CATSPERB: variants seen among roughly 807,000 people sequenced by gnomAD.
CATSPERB encodes catsper channel auxiliary subunit beta.
In CATSPERB, 93 loss-of-function variants were observed where a neutral mutation model predicts 128.3. That is an observed-to-expected ratio of 0.72 (90% CI 0.61 to 0.86). CATSPERB has a LOEUF of 0.86. Among genes scored for constraint, CATSPERB ranks in the 40% least tolerant of loss-of-function variants. CATSPERB has a pLI of 0.00. For missense variants in CATSPERB, 1,153 were observed against 1,329.5 expected (o/e 0.87, Z 2.06); for synonymous variants, 381 against 448.8 (o/e 0.85, Z 1.91).
At chr14:91,678,205 A>T (rs917765225) in intron 11 of CATSPERB, among the ~76,000 whole-genome samples, 1 of 152,224 alleles carries the variant, frequency 6.6e-6, no homozygotes, top group Non-Finnish European at 1.5e-5. Context: ...TAACGAGCCT[A>T]CACGTTCTGC....
At chr14:91,675,113 G>A (rs1428417016) in intron 11 of CATSPERB, among the ~76,000 whole-genome samples, 1 of 152,184 alleles carries the variant, frequency 6.6e-6, no homozygotes, top group Non-Finnish European at 1.5e-5. Flanking sequence ...TCCCTTTAGG[G>A]AGTCTGCATT....
chr14:91,609,825 G>T, intron 21 of CATSPERB, among the ~76,000 whole-genome samples: 1 of 152,082 alleles, frequency 6.6e-6, no homozygotes, highest in Non-Finnish European at 1.5e-5. Context: ...TGCAACCCCT[G>T]CCTCCCAGGC....
At chr14:91,716,909 C>A (rs1272529807) in intron 5 of CATSPERB, among the ~76,000 whole-genome samples, 3 of 152,108 alleles carry the variant, frequency 2.0e-5, no homozygotes, top group Non-Finnish European at 2.9e-5. Context: ...TTGGTATTAG[C>A]TAAATGCAAC....
chr14:91,719,555 A>G, intron 4 of CATSPERB, 77 bp from the exon 5 acceptor site: 1 of 1,178,506 alleles, frequency 8.5e-7, no homozygotes, highest in Non-Finnish European at 1.2e-6. Flanking sequence ...CTATATTTTT[A>G]AAAGAGAATT....
Position 91,639,277 on chromosome 14 carries a change from T to G in CATSPERB, c.1433-27A>C, listed in dbSNP as rs766172225. 3 of 1,596,598 alleles carry G rather than the reference T, an allele frequency of 1.9e-6. No individual in the cohort carries two copies. In the African/African-American group the frequency reaches 4.0e-5, roughly 21 times the overall value. ...TATTAGGAAATACAGAGAAGTGTCT[T>G]GATACTGATGTAACAGAAGTCGAAA... On this transcript the variant is annotated intron_variant, in intron 15 of 26. Transcript: ENST00000256343.
At chr14:91,712,772 T>C (rs537383813) in intron 5 of CATSPERB, among the ~76,000 whole-genome samples, 5 of 152,344 alleles carry the variant, frequency 3.3e-5, no homozygotes, top group African/African-American at 1.2e-4. Flanking sequence ...ACGCCATTTC[T>C]TCACAAGGTG....
At chr14:91,689,826 T>C (rs1406017521) in intron 10 of CATSPERB, among the ~76,000 whole-genome samples, 1 of 152,166 alleles carries the variant, frequency 6.6e-6, no homozygotes, top group Non-Finnish European at 1.5e-5. Flanking sequence ...TTGCACATTT[T>C]TCTAACAAAT....
intron 22 of CATSPERB, among the ~76,000 whole-genome samples, chr14:91,606,024 A>C (rs1367708133): frequency 6.6e-6 from 1 of 151,674 alleles, no homozygotes; most frequent in Admixed American, 6.6e-5. Flanking sequence ...AAAAATACAA[A>C]AATTAGCTGG....
chr14:91,617,122 C>T (rs1044013041), intron 20 of CATSPERB, among the ~76,000 whole-genome samples: 2 of 152,040 alleles, frequency 1.3e-5, no homozygotes, highest in African/African-American at 4.8e-5. Context: ...AAAAGGAGTC[C>T]AAGTTAAACA....
chr14:91,707,575 CTTTTTTTTTTTTTTTTTTTTTTTTTT>C (rs539712771), intron 6 of CATSPERB, among the ~76,000 whole-genome samples: 1 of 58,254 alleles, frequency 1.7e-5, no homozygotes, highest in Non-Finnish European at 3.1e-5. Flanking sequence ...TATGTACTTC[CTTTTTTTTTTTTTTTTTTTTTTTTTT>C]TTTTTTTTTT....
intron 20 of CATSPERB, among the ~76,000 whole-genome samples, chr14:91,611,539 G>A (rs757232544): frequency 2.0e-5 from 3 of 152,154 alleles, no homozygotes; most frequent in Non-Finnish European, 2.9e-5. Flanking sequence ...GAGCCCGGGA[G>A]GTGAAGGTTG....
At chr14:91,678,112 C>A (rs1158926462) in intron 11 of CATSPERB, among the ~76,000 whole-genome samples, 2 of 152,068 alleles carry the variant, frequency 1.3e-5, no homozygotes, top group Non-Finnish European at 2.9e-5. Context: ...AGCATTAGGA[C>A]AAATAGCTAA....
At chr14:91,729,205 G>C (rs181224566) in intron 2 of CATSPERB, among the ~76,000 whole-genome samples, 196 bp downstream of exon 2, 1 of 152,254 alleles carries the variant, frequency 6.6e-6, no homozygotes, top group Non-Finnish European at 1.5e-5. Context: ...CAGGCGTGGT[G>C]GTGGGCACCT....
At chr14:91,667,067 G>A (rs1894997088) in intron 14 of CATSPERB, among the ~76,000 whole-genome samples, 1 of 152,244 alleles carries the variant, frequency 6.6e-6, no homozygotes, top group Non-Finnish European at 1.5e-5. Flanking sequence ...CGCCCAGTTA[G>A]CAGAACTAGT....
At chr14:91,717,980 A>G (rs1425486071) in intron 5 of CATSPERB, among the ~76,000 whole-genome samples, 2 of 152,182 alleles carry the variant, frequency 1.3e-5, no homozygotes, top group Non-Finnish European at 2.9e-5. Context: ...GTCTTTTTCT[A>G]AAATCCTTAA....
At chr14:91,714,106 T>C (rs11623168) in intron 5 of CATSPERB, among the ~76,000 whole-genome samples, 13,836 of 151,922 alleles carry the variant, frequency 0.091, 700 homozygotes, top group Middle Eastern at 0.13. Context: ...TTGACACCAA[T>C]AATAAAAACT....
At chr14:91,704,163 T>C (rs993162) in intron 7 of CATSPERB, among the ~76,000 whole-genome samples, 11,193 of 152,180 alleles carry the variant, frequency 0.074, 594 homozygotes, top group East Asian at 0.17. Context: ...ATATAGATGC[T>C]CTCAGATATT....
At chr14:91,662,587 G>A (rs1894905460) in intron 14 of CATSPERB, among the ~76,000 whole-genome samples, 1 of 152,276 alleles carries the variant, frequency 6.6e-6, no homozygotes, top group South Asian at 2.1e-4. Context: ...CATAGGATAT[G>A]CAAATATTCA....
At chr14:91,622,342 A>C (rs1334907713) in intron 18 of CATSPERB, among the ~76,000 whole-genome samples, 1 of 152,234 alleles carries the variant, frequency 6.6e-6, no homozygotes, top group Non-Finnish European at 1.5e-5. Context: ...AAGATACTCA[A>C]TAAATATTTG....
Sources: allele counts gnomAD v4.1 joint callset (sites outside exome capture counted in the v4.1 genomes callset), GRCh38; gene constraint gnomAD v4.1.1; transcripts MANE v1.5; gene names NCBI Gene and HGNC (gene_info 2026-07-23, HGNC 2026-07-21).